Variants in SDHAF3 observed in about 807,000 individuals in gnomAD.
SDHAF3 encodes the protein succinate dehydrogenase complex assembly factor 3.
In SDHAF3, 18 loss-of-function variants were observed where a neutral mutation model predicts 11.5. The ratio of observed to expected loss-of-function variants is 1.56; its 90% CI spans 1.08 to 2.32. SDHAF3 has a LOEUF of 2.32. Ranked by LOEUF, SDHAF3 falls within the 30% of genes most tolerant of loss-of-function variation. The pLI, the probability that SDHAF3 is intolerant of heterozygous loss-of-function variation, is 0.00. For synonymous variants in SDHAF3, 72 were observed against 59.3 expected, an observed-to-expected ratio of 1.21 and a Z score of -0.99; for missense variants, 200 against 154.4, an observed-to-expected ratio of 1.30 and a Z score of -1.57.
At chr7:97,127,897 G>GCT (rs1791599707) in intron 1 of SDHAF3, among the ~76,000 whole-genome samples, 1 of 106,262 alleles carries the variant, frequency 9.4e-6, no homozygotes, top group Non-Finnish European at 1.8e-5. Flanking sequence ...TCTACATCAA[G>GCT]TTTTTTTTTT....
intron 1 of SDHAF3, among the ~76,000 whole-genome samples, chr7:97,119,071 A>T (rs575556581): frequency 2.0e-5 from 3 of 152,266 alleles, no homozygotes; most frequent in Admixed American, 6.5e-5. Flanking sequence ...CAGATCACAT[A>T]ATTTTTCTAG....
At chr7:97,178,390 TG>T (rs1436461444) in intron 1 of SDHAF3, among the ~76,000 whole-genome samples, 1 of 152,236 alleles carries the variant, frequency 6.6e-6, no homozygotes, top group Non-Finnish European at 1.5e-5. Flanking sequence ...AATATACCTA[TG>T]AGTGCATTTG....
intron 1 of SDHAF3, among the ~76,000 whole-genome samples, chr7:97,157,487 G>A (rs1789321540): frequency 3.3e-5 from 5 of 152,150 alleles, no homozygotes. Flanking sequence ...GAGAGGATGT[G>A]GAGAAATAGG....
chr7:97,140,686 C>G (rs754944479), intron 1 of SDHAF3, among the ~76,000 whole-genome samples: 1 of 152,062 alleles, frequency 6.6e-6, no homozygotes, highest in African/African-American at 2.4e-5. Context: ...CAATCGATAC[C>G]CTGTGATTTC....
intron 1 of SDHAF3, among the ~76,000 whole-genome samples, chr7:97,168,120 A>G (rs1253609849): frequency 6.6e-6 from 1 of 151,492 alleles, no homozygotes; most frequent in East Asian, 1.9e-4. Context: ...TGCTGGCGGG[A>G]CCCCCTCTTT....
chr7:97,118,305 T>G (rs916524523), intron 1 of SDHAF3, among the ~76,000 whole-genome samples: 8 of 152,230 alleles, frequency 5.3e-5, no homozygotes, highest in African/African-American at 1.4e-4. Flanking sequence ...TTTCCGTAAT[T>G]TATTATTTAA....
chr7:97,170,290 G>T (rs1261585977), intron 1 of SDHAF3, among the ~76,000 whole-genome samples: 1 of 151,882 alleles, frequency 6.6e-6, no homozygotes, highest in African/African-American at 2.4e-5. Context: ...TATTACTAAA[G>T]AATAAATTAA....
At chr7:97,144,899 A>G (rs1479985263) in intron 1 of SDHAF3, among the ~76,000 whole-genome samples, 2 of 152,176 alleles carry the variant, frequency 1.3e-5, no homozygotes, top group Non-Finnish European at 1.5e-5. Context: ...TTTTGGCAGT[A>G]TGGTCATTTT....
intron 1 of SDHAF3, chr7:97,134,908 C>G (rs1048629558): frequency 1.3e-5 from 2 of 152,152 alleles, no homozygotes; most frequent in African/African-American, 4.8e-5. Context: ...GTAATTAAAT[C>G]TAGTAAGGGC....
At chr7:97,138,424 A>G (rs539829463) in intron 1 of SDHAF3, among the ~76,000 whole-genome samples, 3 of 152,210 alleles carry the variant, frequency 2.0e-5, no homozygotes, top group Admixed American at 1.3e-4. Context: ...TGGCCTCCCA[A>G]AGTTCTAGGA....
intron 1 of SDHAF3, among the ~76,000 whole-genome samples, chr7:97,163,705 T>C (rs1198141132): frequency 1.3e-5 from 2 of 152,168 alleles, no homozygotes; most frequent in Non-Finnish European, 2.9e-5. Context: ...TTATGCTAGC[T>C]GGTTATTTTG....
chr7:97,136,544 A>T (rs1179899929), intron 1 of SDHAF3: 2 of 543,444 alleles, frequency 3.7e-6, no homozygotes, highest in Non-Finnish European at 6.6e-6. Flanking sequence ...TTACAGCCTA[A>T]ATTAAGGGGG....
chr7:97,159,801 C>T (rs1789371137), intron 1 of SDHAF3, among the ~76,000 whole-genome samples: 1 of 152,128 alleles, frequency 6.6e-6, no homozygotes, highest in Admixed American at 6.5e-5. Flanking sequence ...AAACATTTAC[C>T]TGATTGCTGT....
chr7:97,117,701 G>C lies in SDHAF3; in HGVS notation c.-23G>C. 6.2e-7 allele frequency: 1 copy of C among 1,604,068 alleles called. No individual in the cohort carries two copies. Among genetic ancestry groups the C allele is most frequent in the East Asian group, 2.2e-5 (1 of 44,734 alleles). On this transcript the variant is annotated 5_prime_UTR_variant, in exon 1 of 2. Coordinates refer to ENST00000432641, the MANE Select transcript of SDHAF3 (RefSeq NM_020186.3). ...CGCGCCGTCCCTCTGCGCAGGCGCA[G>C]TCGGCGGTCGGCGTGGGGCGCTATG...
At chr7:97,132,217 C>A (rs991755227) in intron 1 of SDHAF3, among the ~76,000 whole-genome samples, 2 of 152,186 alleles carry the variant, frequency 1.3e-5, no homozygotes, top group Middle Eastern at 3.2e-3. Flanking sequence ...CTTATATATA[C>A]ATTTCCTAAT....
At chr7:97,173,582 TC>T (rs1373045096) in intron 1 of SDHAF3, among the ~76,000 whole-genome samples, 2 of 143,476 alleles carry the variant, frequency 1.4e-5, no homozygotes, top group East Asian at 2.0e-4. Context: ...AGTCTCACTC[TC>T]TCTCTCTCAC....
intron 1 of SDHAF3, among the ~76,000 whole-genome samples, chr7:97,138,252 C>A (rs115827122): frequency 0.015 from 2,343 of 151,564 alleles, 58 homozygotes; most frequent in African/African-American, 0.053. Context: ...GTCCGCCTCC[C>A]ACGTATAAGC....
chr7:97,131,313 T>C (rs1584211030), intron 1 of SDHAF3, among the ~76,000 whole-genome samples: 1 of 152,354 alleles, frequency 6.6e-6, no homozygotes, highest in East Asian at 1.9e-4. Flanking sequence ...TCTACACTTC[T>C]AGCACAATAT....
At position 97,146,943 on chromosome 7, in the gene SDHAF3, G is replaced by C. The variant is rs370884801; in HGVS notation, c.174+29046G>C. Among the ~76,000 whole-genome samples, 7 of 151,944 alleles carry C rather than the reference G, an allele frequency of 4.6e-5. No individual in the cohort carries two copies. In the South Asian group the frequency reaches 1.0e-3, roughly 23 times the overall value. Reference sequence around the variant, plus strand: ...TTTTTAGTAGAGACGGGGTTTCACCGTGTTAGCCAGGATAGTCTTGATCTC... The same window carrying C: ...TTTTTAGTAGAGACGGGGTTTCACCCTGTTAGCCAGGATAGTCTTGATCTC... On this transcript the variant is annotated intron_variant, in intron 1 of 1. Transcript: ENST00000432641.
Sources: gnomAD v4.1 joint callset for allele counts (sites outside exome capture counted in the v4.1 genomes callset) on GRCh38, gnomAD v4.1.1 for gene constraint, MANE v1.5 for transcripts, NCBI Gene and HGNC (gene_info 2026-07-23, HGNC 2026-07-21) for gene names.